The following LRP1B variants were observed in gnomAD, a reference collection of about 807,000 sequenced individuals.
LRP1B encodes the protein LDL receptor related protein 1B.
In LRP1B, 217 loss-of-function variants were observed where a neutral mutation model predicts 556.6. The ratio of observed to expected loss-of-function variants is 0.39; its 90% confidence interval spans 0.35 to 0.44. The LOEUF is 0.44. LRP1B is among the 20% of genes least tolerant of loss of function. The probability of loss-of-function intolerance (pLI) is 1.00; values close to 1 mark genes in which losing one functional copy is unlikely to be tolerated. For missense variants in LRP1B, 5,053 were observed against 5,620.8 expected, an observed-to-expected ratio of 0.90 and a Z score of 3.23; for synonymous variants, 2,047 against 1,865.8, an observed-to-expected ratio of 1.10 and a Z score of -2.50.
intron 2 of LRP1B, among the ~76,000 whole-genome samples, chr2:141,703,841 G>C (rs899915533): frequency 6.6e-6 from 1 of 151,860 alleles, no homozygotes; most frequent in Non-Finnish European, 1.5e-5. Flanking sequence ...CAATGAGCTG[G>C]CTATATCAGT....
intron 1 of LRP1B, among the ~76,000 whole-genome samples, chr2:141,816,901 G>A (rs7420527): frequency 0.042 from 6,318 of 151,826 alleles, 192 homozygotes; most frequent in Non-Finnish European, 0.061. Flanking sequence ...TATTGTTACC[G>A]TTTTGGGGAC....
At chr2:140,577,120 G>A (rs1681557449) in intron 43 of LRP1B, among the ~76,000 whole-genome samples, 2 of 152,052 alleles carry the variant, frequency 1.3e-5, no homozygotes, top group African/African-American at 4.8e-5. Flanking sequence ...ATAAAGATTT[G>A]CCACTGGAAG....
intron 2 of LRP1B, among the ~76,000 whole-genome samples, chr2:141,668,093 G>C (rs973493654): frequency 6.6e-6 from 1 of 152,072 alleles, no homozygotes; most frequent in South Asian, 2.1e-4. Flanking sequence ...AGACTCAAAG[G>C]CTCTTATGGA....
At chr2:140,563,678 T>A (rs1307421986) in intron 43 of LRP1B, among the ~76,000 whole-genome samples, 1 of 152,188 alleles carries the variant, frequency 6.6e-6, no homozygotes, top group African/African-American at 2.4e-5. Context: ...GGACATTCAA[T>A]CATGTTTTAA....
At chr2:140,517,203 C>G (rs1163225523) in intron 49 of LRP1B, among the ~76,000 whole-genome samples, 192 bp from the exon 50 acceptor site, 1 of 152,064 alleles carries the variant, frequency 6.6e-6, no homozygotes, top group Non-Finnish European at 1.5e-5. Flanking sequence ...AGAACAGAGA[C>G]CCATGAGACA....
At chr2:141,297,477 T>A (rs540855407) in intron 3 of LRP1B, among the ~76,000 whole-genome samples, 1 of 152,138 alleles carries the variant, frequency 6.6e-6, no homozygotes, top group African/African-American at 2.4e-5. Context: ...TTTTTTTAAG[T>A]AAAATCTTAA....
Position 140,850,142 on chromosome 2 carries a change from A to T in LRP1B, c.4899T>A (p.Ala1633=). Residue 1633 remains alanine (A), a synonymous_variant, in exon 29 of 91, where the codon GCT becomes GCA. Transcript: ENST00000389484. ...TTTCTAACCCAGTTCCGTTAATAAA[A>T]GCTCGTTTAATGGTTTGTGTTTTAA... ...TDIKTQTIKR[A]FINGTGLETV... is the part of the protein sequence containing the mutation. 2 of 1,613,592 alleles carry T rather than the reference A, an allele frequency of 1.2e-6. No individual in the cohort carries two copies. The highest frequency in any genetic ancestry group is 1.7e-6 in the Non-Finnish European group (2 of 1,179,690).
intron 1 of LRP1B, among the ~76,000 whole-genome samples, chr2:142,088,344 C>T (rs1389929488): frequency 2.0e-5 from 3 of 152,100 alleles, no homozygotes; most frequent in African/African-American, 7.2e-5. Context: ...AATCTGAACA[C>T]TATTAGTTGG....
At chr2:140,435,493 T>C (rs1250162030) in intron 66 of LRP1B, among the ~76,000 whole-genome samples, 5 of 152,154 alleles carry the variant, frequency 3.3e-5, no homozygotes, top group African/African-American at 1.2e-4. Context: ...ATTTCCCTTC[T>C]TTTCAAACTC....
At chr2:140,819,607 A>G (rs1452264383) in intron 31 of LRP1B, among the ~76,000 whole-genome samples, 6 of 152,218 alleles carry the variant, frequency 3.9e-5, no homozygotes, top group Non-Finnish European at 8.8e-5. Context: ...TATTTCACAG[A>G]ATAATATATA....
chr2:140,609,660 C>T (rs1682998632), intron 41 of LRP1B, among the ~76,000 whole-genome samples: 1 of 152,138 alleles, frequency 6.6e-6, no homozygotes, highest in Non-Finnish European at 1.5e-5. Context: ...TCAATCTTCT[C>T]TTTTTCTTGC....
chr2:141,340,451 A>G (rs1341732586), intron 3 of LRP1B, among the ~76,000 whole-genome samples: 1 of 152,206 alleles, frequency 6.6e-6, no homozygotes, highest in Non-Finnish European at 1.5e-5. Flanking sequence ...GAATAATGCT[A>G]TTGTCAATAT....
At chr2:141,823,663 C>G (rs552442929) in intron 1 of LRP1B, among the ~76,000 whole-genome samples, 1 of 152,148 alleles carries the variant, frequency 6.6e-6, no homozygotes, top group East Asian at 1.9e-4. Context: ...TTAGGCTGAA[C>G]TAAGATTTTG....
At chr2:141,826,354 G>GA (rs1696922149) in intron 1 of LRP1B, among the ~76,000 whole-genome samples, 1 of 97,074 alleles carries the variant, frequency 1.0e-5, no homozygotes, top group African/African-American at 3.8e-5. Context: ...CTTTTCAGAA[G>GA]TTTTTTTTTT....
rs531937590 is a variant in LRP1B, at chr2:141,247,282, C to T, written c.536G>A (p.Ser179Asn). 5.5e-4 allele frequency: 885 copies of T among 1,613,826 alleles called. 11 individuals are homozygous for T. The South Asian group carries it at 9.2e-3, about 17-fold the overall frequency. The change falls in exon 5 of 91, where the codon AGT becomes AAT. Residue 179 changes from serine (S) to asparagine (N), a missense_variant. Coordinates refer to ENST00000389484, the MANE Select transcript of LRP1B (RefSeq NM_018557.3). ...CRNTHGSYTCSCVEGYLMQPD... is the reference protein window; with the variant it reads ...CRNTHGSYTCNCVEGYLMQPD... ...CTGCATTAGGTAGCCTTCCACACAA[C>T]TGCAAGTGTAGGATCCATGTGTGTT...
intron 66 of LRP1B, among the ~76,000 whole-genome samples, chr2:140,421,170 G>T (rs918404004): frequency 6.6e-6 from 1 of 152,008 alleles, no homozygotes; most frequent in East Asian, 1.9e-4. Flanking sequence ...CAGGAGAGTC[G>T]CTTGAACCCT....
chr2:141,921,818 A>C (rs1382606487), intron 1 of LRP1B, among the ~76,000 whole-genome samples: 3 of 152,034 alleles, frequency 2.0e-5, no homozygotes, highest in Admixed American at 6.5e-5. Flanking sequence ...ATAAAGAATA[A>C]CTCTACTTTA....
intron 52 of LRP1B, among the ~76,000 whole-genome samples, chr2:140,509,389 T>C (rs1689557911): frequency 6.6e-6 from 1 of 151,984 alleles, no homozygotes; most frequent in South Asian, 2.1e-4. Context: ...CTTAGTAAAT[T>C]GTCTGACCTC....
At chr2:140,473,952 A>G (rs2105346133) in intron 60 of LRP1B, among the ~76,000 whole-genome samples, 1 of 152,026 alleles carries the variant, frequency 6.6e-6, no homozygotes. Flanking sequence ...CTTTTGCTGT[A>G]ATTAAAATCC....
Sources: gnomAD v4.1 joint callset for allele counts (sites outside exome capture counted in the v4.1 genomes callset) on GRCh38, gnomAD v4.1.1 for gene constraint, MANE v1.5 for transcripts, NCBI Gene and HGNC (gene_info 2026-07-23, HGNC 2026-07-21) for gene names.